FAT1: variants seen among roughly 807,000 people sequenced by gnomAD.
FAT1 encodes protocadherin Fat 1.
FAT1 carries 171 observed loss-of-function variants against 329.8 expected under a neutral mutation model. The observed-to-expected ratio is 0.52, with a 90% CI of 0.46 to 0.59. The LOEUF (loss-of-function observed/expected upper bound fraction) is 0.59. Among genes scored for constraint, FAT1 ranks in the 20% least tolerant of loss-of-function variants. The pLI, the probability that FAT1 is intolerant of heterozygous loss-of-function variation, is 0.00. For synonymous variants in FAT1, 2,233 were observed against 2,228.6 expected (o/e 1.00, Z -0.06); for missense variants, 5,672 against 5,774.4 (o/e 0.98, Z 0.57).
At chr4:186,613,858 T>A (rs373462050) in intron 12 of FAT1, among the ~76,000 whole-genome samples, 1 of 152,246 alleles carries the variant, frequency 6.6e-6, no homozygotes, top group Non-Finnish European at 1.5e-5. Context: ...CAAGAAAATA[T>A]GCTATTTAAA....
At chr4:186,636,371 G>A in intron 5 of FAT1, 136 bp from the exon 6 acceptor site, 1 of 874,492 alleles carries the variant, frequency 1.1e-6, no homozygotes, top group East Asian at 2.6e-5. Context: ...TGTATGGAAT[G>A]CCTGACAGAA....
chr4:186,715,192 G>A (rs767272000), intron 1 of FAT1, among the ~76,000 whole-genome samples: 2 of 150,216 alleles, frequency 1.3e-5, no homozygotes, highest in Non-Finnish European at 2.9e-5. Context: ...TGGCCAACAC[G>A]TCAGACTGCT....
At chr4:186,724,603 A>C (rs1429774286), upstream of FAT1, among the ~76,000 whole-genome samples, 2 of 152,090 alleles carry the variant, frequency 1.3e-5, no homozygotes, top group African/African-American at 4.8e-5. This position sits in a 1 kb window ranked among gnomAD's most constrained non-coding sequence, Gnocchi z 5.3. Context: ...GCAAGTTCCT[A>C]GGCAGAGGGG....
intron 6 of FAT1, among the ~76,000 whole-genome samples, chr4:186,635,293 A>T (rs765012424): frequency 1.6e-5 from 2 of 124,994 alleles, no homozygotes; most frequent in Non-Finnish European, 3.2e-5. Context: ...CCTTGTAACT[A>T]AAATGTGAGG....
chr4:186,647,039 A>G (rs932349953), intron 3 of FAT1, among the ~76,000 whole-genome samples: 1 of 152,226 alleles, frequency 6.6e-6, no homozygotes, highest in African/African-American at 2.4e-5. Context: ...TTACGATCTC[A>G]GTCACCCACT....
At chr4:186,635,849 T>G (rs1332386087) in intron 6 of FAT1, among the ~76,000 whole-genome samples, 176 bp downstream of exon 6, 1 of 152,330 alleles carries the variant, frequency 6.6e-6, no homozygotes, top group Admixed American at 6.5e-5. Context: ...GTTTAACATA[T>G]GCTATATATT....
At position 186,707,462 on chromosome 4, in the gene FAT1, G is replaced by T. The variant is rs535305016; in HGVS notation, c.2366C>A (p.Thr789Asn). ...AAGGTCATAGACGGTAATATTCAGGGTGTATTTGTCTGTTGTTTCACGGTC... is the reference window on the plus strand; with the variant it reads ...AAGGTCATAGACGGTAATATTCAGGTTGTATTTGTCTGTTGTTTCACGGTC... ...PLDRETTDKY[T>N]LNITVYDLGI... Residue 789 changes from threonine to asparagine, a missense_variant, in exon 2 of 27, where the codon ACC becomes AAC. Physicochemically the swap from Thr to Asn is moderately conservative, Grantham distance 65. Transcript: ENST00000441802. The T allele has an allele frequency of 1.9e-6, 3 of 1,614,004 alleles. No homozygotes were observed. The highest frequency in any genetic ancestry group is 2.5e-6 in the Non-Finnish European group (3 of 1,179,902).
chr4:186,704,341 T>C (rs1292525629), intron 2 of FAT1, among the ~76,000 whole-genome samples: 3 of 152,236 alleles, frequency 2.0e-5, no homozygotes, highest in Non-Finnish European at 4.4e-5. Context: ...TTTGGCTGGT[T>C]GTTTCCTTAT....
intron 2 of FAT1, among the ~76,000 whole-genome samples, chr4:186,676,961 A>G (rs1742985352): frequency 6.6e-6 from 1 of 152,190 alleles, no homozygotes; most frequent in Non-Finnish European, 1.5e-5. Context: ...GAAGCAAATA[A>G]AAGTCCCATT....
At chr4:186,661,403 A>G (rs1289771218) in intron 3 of FAT1, among the ~76,000 whole-genome samples, 2 of 152,244 alleles carry the variant, frequency 1.3e-5, no homozygotes, top group African/African-American at 4.8e-5. Flanking sequence ...GCCTTTGTCA[A>G]CCACATGTTG....
intron 5 of FAT1, 130 bp from the exon 6 acceptor site, chr4:186,636,365 T>C (rs1740815885): frequency 1.1e-6 from 1 of 891,650 alleles, no homozygotes; most frequent in Admixed American, 2.5e-5. Flanking sequence ...ATTCTGTGTA[T>C]GGAATGCCTG....
At chr4:186,717,198 T>C (rs763401844) in intron 1 of FAT1, among the ~76,000 whole-genome samples, 22 of 152,190 alleles carry the variant, frequency 1.4e-4, no homozygotes, top group Non-Finnish European at 1.0e-4. Flanking sequence ...ATCATAGCCA[T>C]GTCGGTACTT....
At chr4:186,608,516 G>A (rs980555079) in intron 16 of FAT1, among the ~76,000 whole-genome samples, 1 of 152,040 alleles carries the variant, frequency 6.6e-6, no homozygotes, top group Non-Finnish European at 1.5e-5. Flanking sequence ...ATGTAGCTGA[G>A]ACTATCGGAG....
At position 186,621,779 on chromosome 4, in the gene FAT1, G is replaced by A. The variant is rs1322376398; in HGVS notation, c.4811-4C>T. On this transcript the variant is annotated splice_region_variant and splice_polypyrimidine_tract_variant and intron_variant, in intron 9 of 26. Coordinates refer to ENST00000441802, the MANE Select transcript of FAT1 (RefSeq NM_005245.4). ...ATAAAAGAATTTCCAATATTTCCTG[G>A]AAGGAGAGGAAAAAATACATGTTAC... 2 of 1,528,912 alleles carry A rather than the reference G, an allele frequency of 1.3e-6. No homozygotes were observed. Among genetic ancestry groups the A allele is most frequent in the Non-Finnish European group, 8.8e-7 (1 of 1,138,278 alleles). 94.7% of individuals were successfully genotyped at this position (1,528,912 alleles called of 1,614,324 possible).
chr4:186,663,573 G>A lies in FAT1; in HGVS notation c.3306C>T (p.Thr1102=), dbSNP rs750148063. The A allele has an allele frequency of 5.0e-6, 8 of 1,611,812 alleles. No homozygotes were observed. In the East Asian group the frequency reaches 1.1e-4, roughly 22 times the overall value. Residue 1102 remains threonine (T), a synonymous_variant, in exon 3 of 27, where the codon ACC becomes ACT. Transcript: ENST00000441802. ...CAAAGACTGTTAGCCAATAATGGGA[G>A]GTCGATTCACGGTCCAGTCGATCTG... The part of the protein sequence containing the change: ...ETSDRLDRES[T]SHYWLTVFAT...
intron 11 of FAT1, among the ~76,000 whole-genome samples, chr4:186,614,548 A>G (rs767204636): frequency 1.3e-5 from 2 of 152,226 alleles, no homozygotes; most frequent in Non-Finnish European, 2.9e-5. Flanking sequence ...TGGAGCAGCC[A>G]CCAGCTCCAC....
At chr4:186,605,883 A>G (rs1282519499) in intron 17 of FAT1, among the ~76,000 whole-genome samples, 187 bp downstream of exon 17, 1 of 152,150 alleles carries the variant, frequency 6.6e-6, no homozygotes, top group Non-Finnish European at 1.5e-5. Flanking sequence ...AAGCACGGAA[A>G]GGAAAGAGAT....
chr4:186,636,359 T>C, intron 5 of FAT1, 124 bp from the exon 6 acceptor site: 4 of 929,996 alleles, frequency 4.3e-6, no homozygotes, highest in Non-Finnish European at 6.6e-6. Context: ...ATTTGTATTC[T>C]GTGTATGGAA....
At position 186,708,005 on chromosome 4, in the gene FAT1, G is replaced by C. The variant is rs773704355; in HGVS notation, c.1823C>G (p.Ala608Gly). Residue 608 changes from alanine (A) to glycine (G), a missense_variant, in exon 2 of 27, where the codon GCT (alanine) becomes GGT (glycine). Ala to Gly is a moderately conservative substitution (Grantham distance 60). Coordinates refer to ENST00000441802, the MANE Select transcript of FAT1 (RefSeq NM_005245.4). ...ACTAAAGAAATCCAGTTCATTTCCA[G>C]CTTCAATCTGATACTGTACCAACTG... is the stretch of plus-strand genomic sequence containing the variant. ...ELQLVQYQIE[A>G]GNELDFFSLN... 3 of 1,613,838 alleles carry C rather than the reference G, an allele frequency of 1.9e-6. No homozygotes were observed. The highest frequency in any genetic ancestry group is 2.2e-5 in the East Asian group (1 of 44,866).
Sources: gnomAD v4.1 joint callset for allele counts (sites outside exome capture counted in the v4.1 genomes callset) on GRCh38, gnomAD v4.1.1 for gene constraint, Gnocchi (gnomAD v3.1) non-coding constraint, MANE v1.5 for transcripts, NCBI Gene and HGNC (gene_info 2026-07-23, HGNC 2026-07-21) for gene names.